The following SKAP2 variants were observed in gnomAD, a reference collection of about 807,000 sequenced individuals.
SKAP2 encodes src kinase associated phosphoprotein 2, also known as src kinase-associated phosphoprotein 2.
Under a neutral mutation model 54.9 loss-of-function variants are expected in SKAP2, and 28 were observed. The ratio of observed to expected loss-of-function variants is 0.51; its 90% CI spans 0.38 to 0.70. The LOEUF is 0.70. Ranked by LOEUF, SKAP2 falls within the 30% of genes least tolerant of loss-of-function variation. SKAP2 has a pLI of 0.00. For synonymous variants in SKAP2, 137 were observed against 134.3 expected (o/e 1.02, Z -0.14); for missense variants, 356 against 424.1 (o/e 0.84, Z 1.41).
At chr7:26,760,908 TAGTC>T (rs1782913671) in intron 4 of SKAP2, among the ~76,000 whole-genome samples, 1 of 152,114 alleles carries the variant, frequency 6.6e-6, no homozygotes, top group Non-Finnish European at 1.5e-5. Context: ...AATGAATCAA[TAGTC>T]AGTAGTATAA....
chr7:26,671,930 A>G (rs918784810), intron 11 of SKAP2, among the ~76,000 whole-genome samples: 1 of 152,046 alleles, frequency 6.6e-6, no homozygotes, highest in Non-Finnish European at 1.5e-5. Context: ...CCTAATGCTT[A>G]AAAAAACACA....
intron 4 of SKAP2, among the ~76,000 whole-genome samples, chr7:26,742,641 T>C (rs975304962): frequency 6.6e-6 from 1 of 152,008 alleles, no homozygotes. Context: ...GGGAGTACAT[T>C]TTTTTTAACT....
intron 11 of SKAP2, among the ~76,000 whole-genome samples, chr7:26,670,725 A>C (rs1786209389): frequency 6.6e-6 from 1 of 152,124 alleles, no homozygotes. Context: ...TTAACAGATA[A>C]ATTAGAGAAT....
At chr7:26,788,138 C>G (rs1393220182) in intron 4 of SKAP2, among the ~76,000 whole-genome samples, 2 of 152,054 alleles carry the variant, frequency 1.3e-5, no homozygotes, top group Admixed American at 1.3e-4. Context: ...ACTATAGCTT[C>G]TAAGAACAAA....
intron 6 of SKAP2, among the ~76,000 whole-genome samples, chr7:26,730,563 T>G (rs1787802347): frequency 6.6e-6 from 1 of 152,212 alleles, no homozygotes; most frequent in South Asian, 2.1e-4. Flanking sequence ...AACACATTGA[T>G]GCCTTCAGAA....
Position 26,667,107 on chromosome 7 carries a change from G to C in SKAP2, c.*2559C>G, listed in dbSNP as rs1040139331. The stretch of plus-strand genomic sequence containing the variant: ...AACTTTATTTGAACCTTAAAAATTT[G>C]CAGAGTGGAACATTATTGTAAGATC... On this transcript the variant is annotated 3_prime_UTR_variant, in exon 13 of 13. Transcript: ENST00000345317. 3 of 152,128 alleles carry C rather than the reference G, an allele frequency of 2.0e-5. No homozygotes were observed. Among genetic ancestry groups the C allele is most frequent in the Non-Finnish European group, 4.4e-5 (3 of 68,008 alleles). 9.4% of individuals were successfully genotyped at this position (152,128 alleles called of 1,614,324 possible). A position where few individuals can be genotyped will look rare whatever the true frequency, so the allele number is the denominator to read the frequency against.
At chr7:26,731,608 T>C (rs1787825770) in intron 6 of SKAP2, among the ~76,000 whole-genome samples, 1 of 152,228 alleles carries the variant, frequency 6.6e-6, no homozygotes. Flanking sequence ...TCACTAAATA[T>C]GTTTCATTTC....
At chr7:26,799,834 CA>C (rs1177520377) in intron 4 of SKAP2, among the ~76,000 whole-genome samples, 1 of 151,894 alleles carries the variant, frequency 6.6e-6, no homozygotes, top group Non-Finnish European at 1.5e-5. Flanking sequence ...TTAAAACATT[CA>C]AAAAAACAGG....
At chr7:26,788,876 C>A (rs998828286) in intron 4 of SKAP2, among the ~76,000 whole-genome samples, 1 of 152,068 alleles carries the variant, frequency 6.6e-6, no homozygotes, top group Non-Finnish European at 1.5e-5. Context: ...ACAAAATAGA[C>A]TGACAATTTT....
At chr7:26,731,823 C>T (rs1227264918) in intron 6 of SKAP2, among the ~76,000 whole-genome samples, 5 of 152,064 alleles carry the variant, frequency 3.3e-5, no homozygotes, top group South Asian at 2.1e-4. Context: ...CCAACTGCCC[C>T]GACGTTACCC....
chr7:26,833,742 A>C (rs1206383838), intron 4 of SKAP2, among the ~76,000 whole-genome samples: 1 of 152,154 alleles, frequency 6.6e-6, no homozygotes, highest in Non-Finnish European at 1.5e-5. Flanking sequence ...GAGACCCACA[A>C]AGAGACTTAG....
At chr7:26,826,192 T>C (rs970672205) in intron 4 of SKAP2, among the ~76,000 whole-genome samples, 1 of 152,116 alleles carries the variant, frequency 6.6e-6, no homozygotes, top group Non-Finnish European at 1.5e-5. Context: ...CAAGGATTCC[T>C]GCTGCAATTC....
chr7:26,776,594 C>G (rs1783314747), intron 4 of SKAP2, among the ~76,000 whole-genome samples: 1 of 152,094 alleles, frequency 6.6e-6, no homozygotes, highest in Admixed American at 6.6e-5. Flanking sequence ...TAAGTCCCAT[C>G]AACTCTATCT....
At chr7:26,854,923 A>G in intron 1 of SKAP2, 33 bp from the exon 2 acceptor site, 1 of 1,433,524 alleles carries the variant, frequency 7.0e-7, no homozygotes. Context: ...CAGGATACAA[A>G]TTATAAGAAA....
intron 6 of SKAP2, among the ~76,000 whole-genome samples, chr7:26,735,569 T>C (rs1240785916): frequency 6.6e-6 from 1 of 152,212 alleles, no homozygotes; most frequent in African/African-American, 2.4e-5. Flanking sequence ...GAACTATGTA[T>C]CTGTCAAACA....
At chr7:26,771,407 G>C (rs1415292727) in intron 4 of SKAP2, among the ~76,000 whole-genome samples, 1 of 152,298 alleles carries the variant, frequency 6.6e-6, no homozygotes, top group South Asian at 2.1e-4. Context: ...CCTATCTACT[G>C]TACATCTAAT....
chr7:26,723,543 AGGGTGGGTGAG>A (rs1019003229), intron 9 of SKAP2, among the ~76,000 whole-genome samples: 1 of 152,084 alleles, frequency 6.6e-6, no homozygotes, highest in African/African-American at 2.4e-5. Context: ...ATTATGTGTG[AGGGTGGGTGAG>A]GAGGGGGGCA....
chr7:26,809,680 T>C (rs1165671939), intron 4 of SKAP2, among the ~76,000 whole-genome samples: 1 of 152,148 alleles, frequency 6.6e-6, no homozygotes, highest in Non-Finnish European at 1.5e-5. Flanking sequence ...ACAACCATTA[T>C]GGAAAACAGT....
chr7:26,824,888 G>A (rs1385828476), intron 4 of SKAP2, among the ~76,000 whole-genome samples: 1 of 152,134 alleles, frequency 6.6e-6, no homozygotes, highest in East Asian at 1.9e-4. Flanking sequence ...GTCCTAAGCT[G>A]TATTTTGGCA....
Sources: gnomAD v4.1 joint callset for allele counts (sites outside exome capture counted in the v4.1 genomes callset) on GRCh38, gnomAD v4.1.1 for gene constraint, MANE v1.5 for transcripts, NCBI Gene and HGNC (gene_info 2026-07-23, HGNC 2026-07-21) for gene names.